The following NRP1 variants were observed in gnomAD, a reference collection of about 807,000 sequenced individuals.
NRP1 encodes neuropilin-1.
Under a neutral mutation model 106.7 loss-of-function variants are expected in NRP1, and 35 were observed. The ratio of observed to expected loss-of-function variants is 0.33; its 90% CI spans 0.25 to 0.43. The LOEUF is 0.43. NRP1 is among the 20% of genes least tolerant of loss of function. The pLI, the probability that NRP1 is intolerant of heterozygous loss-of-function variation, is 1.00. For missense variants in NRP1, 1,024 were observed against 1,170.4 expected (o/e 0.87, Z 1.83); for synonymous variants, 437 against 417.9 (o/e 1.05, Z -0.56).
intron 4 of NRP1, 36 bp downstream of exon 4, chr10:33,263,610 A>C (rs773191364): frequency 6.6e-7 from 1 of 1,522,480 alleles, no homozygotes; most frequent in African/African-American, 1.4e-5. Flanking sequence ...TTCCTCCAGA[A>C]CCTTCCCTTT....
At chr10:33,292,433 A>C (rs1298041472) in intron 2 of NRP1, among the ~76,000 whole-genome samples, 2 of 152,146 alleles carry the variant, frequency 1.3e-5, no homozygotes, top group Non-Finnish European at 2.9e-5. Flanking sequence ...TGGTTTTTAA[A>C]ATCTTCATTC....
intron 8 of NRP1, among the ~76,000 whole-genome samples, chr10:33,220,900 C>CAAAAAAAAAAAAAAAAAAAAA (rs35895871): frequency 8.2e-5 from 5 of 60,682 alleles, no homozygotes; most frequent in Non-Finnish European, 1.4e-4. Context: ...GGCTCAGTCT[C>CAAAAAAAAAAAAAAAAAAAAA]AAAAAAAAAA....
At position 33,186,343 on chromosome 10, in the gene NRP1, G is replaced by T. The variant is rs763030824; in HGVS notation, c.2208C>A (p.Leu736=). The stretch of plus-strand genomic sequence containing the variant: ...GCTTCTGGTAGCGCAGTTTGACCCT[G>T]AGTGTGCCGACGTGGGACCCAGACA... ...YHMSGSHVGT[L]RVKLRYQKPE... Residue 736 remains leucine (L), a synonymous_variant, in exon 14 of 17, where the codon CTC becomes CTA. Transcript: ENST00000374867. 3.7e-6 allele frequency: 6 copies of T among 1,614,080 alleles called. No individual in the cohort carries two copies. Among genetic ancestry groups the T allele is most frequent in the Non-Finnish European group, 5.1e-6 (6 of 1,180,046 alleles).
Position 33,217,434 on chromosome 10 carries a change from T to A in NRP1, c.1283-3717A>T, listed in dbSNP as rs1838870010. On this transcript the variant is annotated intron_variant, in intron 8 of 16. Transcript: ENST00000374867. ...TACCTTTGACTGAAAACTATGTGAC[T>A]CACTTTTAACAATAATTTGCAGAAA... Among the ~76,000 whole-genome samples the A allele has an allele frequency of 2.0e-5, 3 of 152,104 alleles. No individual in the cohort carries two copies. In the South Asian group the frequency reaches 6.2e-4, roughly 32 times the overall value.
intron 2 of NRP1, among the ~76,000 whole-genome samples, chr10:33,279,296 C>T (rs1374624999): frequency 1.3e-5 from 2 of 152,188 alleles, no homozygotes; most frequent in South Asian, 2.1e-4. Flanking sequence ...GGGCAGAAAT[C>T]GAGGTGTTGG....
At chr10:33,303,030 C>T (rs567508933) in intron 2 of NRP1, among the ~76,000 whole-genome samples, 4 of 152,108 alleles carry the variant, frequency 2.6e-5, no homozygotes, top group Non-Finnish European at 5.9e-5. Context: ...ATCTTTCCCC[C>T]GTGATTTCAT....
At chr10:33,330,197 A>G (rs61758245) in intron 2 of NRP1, among the ~76,000 whole-genome samples, 5,710 of 152,190 alleles carry the variant, frequency 0.038, 137 homozygotes, top group Middle Eastern at 0.078. Context: ...TATTTTATTC[A>G]ATTTGCTTTT....
rs866118992 is a variant in NRP1, at chr10:33,256,420, C to T, written c.710G>A (p.Arg237Gln). Reference sequence around the variant, plus strand: ...CATGGAGAGAATGCCCGATGAGGATCGGATTCGACCTGGTGTTTTCTGTCC... The same window carrying T: ...CATGGAGAGAATGCCCGATGAGGATTGGATTCGACCTGGTGTTTTCTGTCC... ...YCGQKTPGRI[R>Q]SSSGILSMVF... Residue 237 changes from arginine (R) to glutamine (Q), a missense_variant, in exon 5 of 17, where the codon CGA (arginine) becomes CAA (glutamine). Arg to Gln is a conservative substitution (Grantham distance 43). Coordinates refer to ENST00000374867, the MANE Select transcript of NRP1 (RefSeq NM_003873.7). 72 of 1,614,066 alleles carry T rather than the reference C, an allele frequency of 4.5e-5. 1 individual carries two copies. Among genetic ancestry groups the T allele is most frequent in the Middle Eastern group, 3.3e-4 (2 of 6,084 alleles).
At chr10:33,298,892 T>G (rs1845604363) in intron 2 of NRP1, among the ~76,000 whole-genome samples, 1 of 152,164 alleles carries the variant, frequency 6.6e-6, no homozygotes, top group South Asian at 2.1e-4. Context: ...AGTTTCATAT[T>G]CTTCCCACTA....
intron 6 of NRP1, among the ~76,000 whole-genome samples, chr10:33,251,902 G>A (rs1247240360): frequency 6.6e-6 from 1 of 152,078 alleles, no homozygotes; most frequent in Non-Finnish European, 1.5e-5. Flanking sequence ...GAAGGGGGAA[G>A]GGAAGTGCAG....
At chr10:33,194,645 A>T in intron 12 of NRP1, 1 of 470,850 alleles carries the variant, frequency 2.1e-6, no homozygotes, top group Non-Finnish European at 4.4e-6. Flanking sequence ...TTTGTATTTT[A>T]CTGCTCTTTT....
At chr10:33,297,936 A>C (rs1272576294) in intron 2 of NRP1, among the ~76,000 whole-genome samples, 1 of 152,068 alleles carries the variant, frequency 6.6e-6, no homozygotes, top group Non-Finnish European at 1.5e-5. Context: ...AATCCCCTGG[A>C]ATCATATTAT....
intron 3 of NRP1, among the ~76,000 whole-genome samples, chr10:33,267,496 TA>T (rs1269992934): frequency 6.6e-6 from 1 of 152,184 alleles, no homozygotes; most frequent in Non-Finnish European, 1.5e-5. Context: ...ACAGTCAAGA[TA>T]CTCTCTTTGG....
intron 2 of NRP1, among the ~76,000 whole-genome samples, chr10:33,308,276 G>A (rs1054883287): frequency 1.3e-5 from 2 of 151,642 alleles, no homozygotes; most frequent in East Asian, 1.9e-4. Flanking sequence ...CTTATTACCC[G>A]AGTGACAAAA....
intron 2 of NRP1, among the ~76,000 whole-genome samples, chr10:33,294,478 A>G (rs936656053): frequency 6.6e-6 from 1 of 151,814 alleles, no homozygotes; most frequent in African/African-American, 2.4e-5. Context: ...TTAGCCGGTC[A>G]TTGGTGGCAC....
chr10:33,328,945 T>C (rs1374864317), intron 2 of NRP1, among the ~76,000 whole-genome samples: 1 of 152,224 alleles, frequency 6.6e-6, no homozygotes, highest in Non-Finnish European at 1.5e-5. Context: ...AACAGCACTT[T>C]ATTTTTTGGA....
At chr10:33,276,536 C>T (rs1352079823) in intron 2 of NRP1, among the ~76,000 whole-genome samples, 1 of 152,152 alleles carries the variant, frequency 6.6e-6, no homozygotes, top group Non-Finnish European at 1.5e-5. Context: ...CAGGCGATAT[C>T]CTAGAAAGAG....
chr10:33,270,961 A>C (rs538663141), intron 2 of NRP1, 105 bp from the exon 3 acceptor site: 4 of 996,674 alleles, frequency 4.0e-6, no homozygotes, highest in Non-Finnish European at 5.7e-6. Flanking sequence ...CAGGAAGAAA[A>C]AAAAGTTCTA....
At chr10:33,227,963 G>GC (rs1839802583) in intron 6 of NRP1, among the ~76,000 whole-genome samples, 1 of 129,018 alleles carries the variant, frequency 7.8e-6, no homozygotes, top group African/African-American at 2.9e-5. Context: ...CAGTAGAGTA[G>GC]GTTTTTTTTT....
Sources: gnomAD v4.1 joint callset for allele counts (sites outside exome capture counted in the v4.1 genomes callset) on GRCh38, gnomAD v4.1.1 for gene constraint, MANE v1.5 for transcripts, NCBI Gene and HGNC (gene_info 2026-07-23, HGNC 2026-07-21) for gene names.